GABBR2: variants seen among roughly 807,000 people sequenced by gnomAD.
The protein encoded by GABBR2 is G-protein coupled receptor 51.
In GABBR2, 23 loss-of-function variants were observed where a neutral mutation model predicts 105.6. That is an observed-to-expected ratio of 0.22 (90% CI 0.16 to 0.31). GABBR2 has a LOEUF of 0.31. Ranked by LOEUF, GABBR2 falls within the 10% of genes least tolerant of loss-of-function variation. The pLI is 1.00. For missense variants in GABBR2, 734 were observed against 1,245.5 expected, an observed-to-expected ratio of 0.59 and a Z score of 6.18; for synonymous variants, 478 against 499.7, an observed-to-expected ratio of 0.96 and a Z score of 0.58.
intron 6 of GABBR2, among the ~76,000 whole-genome samples, chr9:98,460,699 A>G (rs1564078014): frequency 1.3e-5 from 2 of 152,160 alleles, no homozygotes; most frequent in Non-Finnish European, 2.9e-5. Flanking sequence ...TGTGTCCTAG[A>G]AGGTGAGAAA....
intron 7 of GABBR2, among the ~76,000 whole-genome samples, chr9:98,419,866 G>A (rs139914141): frequency 5.1e-4 from 77 of 152,266 alleles, no homozygotes; most frequent in African/African-American, 1.8e-3. Flanking sequence ...TCCAATTCCC[G>A]AGTGAATTCA....
chr9:98,429,715 G>C (rs1825763904), intron 7 of GABBR2, among the ~76,000 whole-genome samples: 1 of 152,154 alleles, frequency 6.6e-6, no homozygotes, highest in South Asian at 2.1e-4. Context: ...GTCTTCCCAG[G>C]GACTTCAGAA....
At chr9:98,400,679 A>C (rs1318539756) in intron 8 of GABBR2, among the ~76,000 whole-genome samples, 2 of 152,238 alleles carry the variant, frequency 1.3e-5, no homozygotes, top group African/African-American at 4.8e-5. Flanking sequence ...TGGCTCCTGC[A>C]GGGAGCAGGG....
intron 1 of GABBR2, among the ~76,000 whole-genome samples, chr9:98,581,521 G>A (rs936747540): frequency 3.0e-5 from 3 of 99,578 alleles, no homozygotes; most frequent in African/African-American, 6.9e-5. Context: ...GAGGGAGGGA[G>A]ACAGGGAGGG....
chr9:98,362,516 A>C, intron 13 of GABBR2, 199 bp downstream of exon 13: 7 of 324,538 alleles, frequency 2.2e-5, no homozygotes, highest in Admixed American at 4.9e-5. Context: ...TTCTGCGTGT[A>C]TTAATATTAA....
intron 1 of GABBR2, chr9:98,608,193 T>C (rs984579531): frequency 1.0e-6 from 1 of 999,678 alleles, no homozygotes; most frequent in Admixed American, 2.2e-5. Context: ...GACATCAGTG[T>C]TTGTTGGATC....
At chr9:98,412,632 C>T (rs1183996966) in intron 7 of GABBR2, among the ~76,000 whole-genome samples, 2 of 152,150 alleles carry the variant, frequency 1.3e-5, no homozygotes, top group East Asian at 3.9e-4. Context: ...TCCTCTGGGG[C>T]CAATCACAGA....
intron 7 of GABBR2, among the ~76,000 whole-genome samples, chr9:98,421,114 G>A (rs146559564): frequency 1.3e-5 from 2 of 152,302 alleles, no homozygotes; most frequent in African/African-American, 4.8e-5. Context: ...GAGTGAACTC[G>A]CAGGGGTATT....
intron 1 of GABBR2, among the ~76,000 whole-genome samples, chr9:98,631,009 C>A (rs1277901778): frequency 6.6e-6 from 1 of 152,158 alleles, no homozygotes; most frequent in East Asian, 1.9e-4. Flanking sequence ...GAGAACGGTG[C>A]CATTATCACA....
intron 1 of GABBR2, among the ~76,000 whole-genome samples, chr9:98,692,152 C>A (rs1163353216): frequency 6.6e-6 from 1 of 152,180 alleles, no homozygotes; most frequent in Non-Finnish European, 1.5e-5. Context: ...TTACCAGGGT[C>A]ACTTGCTTGC....
chr9:98,618,682 C>A (rs1829626881), intron 1 of GABBR2, among the ~76,000 whole-genome samples: 1 of 152,070 alleles, frequency 6.6e-6, no homozygotes, highest in Non-Finnish European at 1.5e-5. Flanking sequence ...GTCTCTTGCT[C>A]CTCTCTCTCC....
chr9:98,409,869 T>C (rs1349363218), intron 7 of GABBR2, among the ~76,000 whole-genome samples: 1 of 152,176 alleles, frequency 6.6e-6, no homozygotes, highest in Non-Finnish European at 1.5e-5. Flanking sequence ...TGAAAACATA[T>C]CCTGATAAAC....
Position 98,387,367 on chromosome 9 carries a change from C to T in GABBR2, c.1529+1487G>A, listed in dbSNP as rs532007637. Among the ~76,000 whole-genome samples, 6 of 152,304 alleles carry T rather than the reference C, an allele frequency of 3.9e-5. 1 individual carries two copies. In the East Asian group the frequency reaches 7.7e-4, roughly 20 times the overall value. On this transcript the variant is annotated intron_variant, in intron 10 of 18. Transcript: ENST00000259455. ...TTTAGTCTTATGATGGGGCAACTTGCTGTCCTGATGGGACTTCTCGAGGCA... is the reference window on the plus strand; with the variant it reads ...TTTAGTCTTATGATGGGGCAACTTGTTGTCCTGATGGGACTTCTCGAGGCA...
At chr9:98,317,931 TCAGGTAGC>T (rs140960090) in intron 13 of GABBR2, among the ~76,000 whole-genome samples, 5,093 of 152,252 alleles carry the variant, frequency 0.033, 309 homozygotes, top group African/African-American at 0.12. Context: ...TTGTTTCAGA[TCAGGTAGC>T]CTGGGATGGC....
At chr9:98,574,042 C>A (rs1295128328) in intron 2 of GABBR2, among the ~76,000 whole-genome samples, 1 of 152,154 alleles carries the variant, frequency 6.6e-6, no homozygotes, top group Non-Finnish European at 1.5e-5. Context: ...AGAAGGAGAT[C>A]AGGGAAGGCA....
intron 1 of GABBR2, among the ~76,000 whole-genome samples, chr9:98,589,095 G>T (rs1260743006): frequency 6.6e-6 from 1 of 152,176 alleles, no homozygotes; most frequent in Non-Finnish European, 1.5e-5. Context: ...CATGGCAGAG[G>T]AACAAGGGCT....
chr9:98,305,052 C>G (rs1365255459), intron 15 of GABBR2, among the ~76,000 whole-genome samples: 1 of 152,074 alleles, frequency 6.6e-6, no homozygotes, highest in Non-Finnish European at 1.5e-5. Context: ...GGATTACAGG[C>G]ACGAGCCACC....
intron 11 of GABBR2, among the ~76,000 whole-genome samples, chr9:98,374,783 C>T (rs907686060): frequency 4.6e-5 from 7 of 152,168 alleles, no homozygotes; most frequent in African/African-American, 1.7e-4. Flanking sequence ...GACTTTGCCT[C>T]CCCACGTGCC....
At chr9:98,300,828 A>G (rs1421646291) in intron 16 of GABBR2, among the ~76,000 whole-genome samples, 1 of 152,230 alleles carries the variant, frequency 6.6e-6, no homozygotes, top group Non-Finnish European at 1.5e-5. Context: ...TGCTACAGAG[A>G]GGCCAAGAAA....
Sources: allele counts gnomAD v4.1 joint callset (sites outside exome capture counted in the v4.1 genomes callset), GRCh38; gene constraint gnomAD v4.1.1; transcripts MANE v1.5; gene names NCBI Gene and HGNC (gene_info 2026-07-23, HGNC 2026-07-21).